The following CDC42BPA variants were observed in gnomAD, a reference collection of about 807,000 sequenced individuals.
CDC42BPA encodes the protein serine/threonine-protein kinase MRCK alpha.
A neutral mutation model predicts 223.5 loss-of-function variants in CDC42BPA; 80 were observed. The ratio of observed to expected loss-of-function variants is 0.36; its 90% CI spans 0.30 to 0.43. CDC42BPA has a LOEUF of 0.43. Among genes scored for constraint, CDC42BPA ranks in the 20% least tolerant of loss-of-function variants. CDC42BPA has a pLI of 1.00. For missense variants in CDC42BPA, 1,743 were observed against 2,099.9 expected, an observed-to-expected ratio of 0.83 and a Z score of 3.32; for synonymous variants, 694 against 718.6, an observed-to-expected ratio of 0.97 and a Z score of 0.55.
chr1:227,265,089 A>G, intron 1 of CDC42BPA: 1 of 774,646 alleles, frequency 1.3e-6, no homozygotes, highest in East Asian at 2.4e-5. Flanking sequence ...TATCCAAGGT[A>G]AAACTAACAG....
At chr1:227,008,686 G>A (rs1205553729) in intron 34 of CDC42BPA, among the ~76,000 whole-genome samples, 1 of 152,182 alleles carries the variant, frequency 6.6e-6, no homozygotes, top group Non-Finnish European at 1.5e-5. Flanking sequence ...AGGAAAACAT[G>A]CATTAATACC....
intron 1 of CDC42BPA, among the ~76,000 whole-genome samples, chr1:227,312,826 T>A (rs7513776): frequency 0.31 from 46,709 of 151,944 alleles, 7,369 homozygotes; most frequent in East Asian, 0.37. Flanking sequence ...TCTCACAAGA[T>A]CTGGTTGTTT....
intron 1 of CDC42BPA, among the ~76,000 whole-genome samples, chr1:227,291,367 G>A (rs1276426511): frequency 2.0e-5 from 3 of 152,064 alleles, no homozygotes; most frequent in South Asian, 2.1e-4. Context: ...TGTCTAACAT[G>A]GTGAAACCCC....
intron 14 of CDC42BPA, among the ~76,000 whole-genome samples, chr1:227,104,938 C>A (rs1205383486): frequency 6.6e-6 from 1 of 152,070 alleles, no homozygotes; most frequent in Admixed American, 6.6e-5. Flanking sequence ...ACAACAGCAT[C>A]CCCAACAAAC....
intron 5 of CDC42BPA, among the ~76,000 whole-genome samples, chr1:227,162,910 ATATG>A (rs1434280356): frequency 2.7e-5 from 4 of 145,734 alleles, no homozygotes; most frequent in African/African-American, 7.7e-5. Context: ...ATGTGTGTGT[ATATG>A]TGTGTGTTTC....
intron 2 of CDC42BPA, among the ~76,000 whole-genome samples, chr1:227,221,602 CTTTT>C (rs71281006): frequency 2.0e-5 from 2 of 102,142 alleles, no homozygotes; most frequent in African/African-American, 3.8e-5. Flanking sequence ...AAATAATAGG[CTTTT>C]TTTTTTTTTT....
At chr1:227,029,489 G>A (rs1309513540) in intron 29 of CDC42BPA, among the ~76,000 whole-genome samples, 1 of 152,162 alleles carries the variant, frequency 6.6e-6, no homozygotes, top group Non-Finnish European at 1.5e-5. Context: ...GGATTCTTGT[G>A]TAAAAGTATG....
At position 226,994,702 on chromosome 1, in the gene CDC42BPA, A is replaced by G; in HGVS notation, c.5133+121T>C. The G allele has an allele frequency of 9.4e-7, 1 of 1,060,026 alleles. No homozygotes were observed. Among genetic ancestry groups the G allele is most frequent in the Non-Finnish European group, 1.4e-6 (1 of 735,156 alleles). The allele number at this position is 1,060,026 out of a possible 1,614,324, so 65.7% of individuals were successfully genotyped here. On this transcript the variant is annotated intron_variant, in intron 36 of 36. Transcript: ENST00000366766. This position sits in a 1 kb window ranked among gnomAD's most constrained non-coding sequence, Gnocchi z 4.0. ...CCTAGCTGCCCGCTGGCCAAGAGTGAATGCTGGCCCCTGACCCCGAACCCT... is the reference window on the plus strand; with the variant it reads ...CCTAGCTGCCCGCTGGCCAAGAGTGGATGCTGGCCCCTGACCCCGAACCCT...
intron 1 of CDC42BPA, among the ~76,000 whole-genome samples, chr1:227,310,898 A>G (rs551233089): frequency 3.7e-4 from 56 of 151,414 alleles, no homozygotes; most frequent in Admixed American, 1.6e-3. Flanking sequence ...TCACCATGTT[A>G]GCCAGGATGG....
At chr1:227,289,384 A>G (rs1250687874) in intron 1 of CDC42BPA, among the ~76,000 whole-genome samples, 1 of 152,184 alleles carries the variant, frequency 6.6e-6, no homozygotes, top group Non-Finnish European at 1.5e-5. Flanking sequence ...GCTCTTACCC[A>G]AGATAGTCAC....
At position 227,196,109 on chromosome 1, in the gene CDC42BPA, A is replaced by T. The variant is rs1408794403; in HGVS notation, c.451-2175T>A. 2.6e-5 allele frequency among the ~76,000 whole-genome samples: 4 copies of T among 151,542 alleles called. No individual in the cohort carries two copies. In the East Asian group the frequency reaches 7.7e-4, roughly 29 times the overall value. ...GCTTTGGGGATTTTTTTTTTAAAAG[A>T]GCTCCAGTCCAATGAAACAATGCTA... On this transcript the variant is annotated intron_variant, in intron 4 of 36. Transcript: ENST00000366766.
chr1:227,189,091 C>T (rs988044959), intron 5 of CDC42BPA, among the ~76,000 whole-genome samples: 5 of 152,122 alleles, frequency 3.3e-5, no homozygotes, highest in African/African-American at 1.2e-4. Context: ...AGCTTTCATT[C>T]CTATCCCTGT....
chr1:227,034,131 A>C (rs200719032), intron 26 of CDC42BPA, among the ~76,000 whole-genome samples: 2 of 152,306 alleles, frequency 1.3e-5, no homozygotes, highest in South Asian at 2.1e-4. Context: ...AATGCAGAGG[A>C]GATGGCTGAA....
At chr1:227,298,541 C>T (rs1156416720) in intron 1 of CDC42BPA, among the ~76,000 whole-genome samples, 2 of 152,148 alleles carry the variant, frequency 1.3e-5, no homozygotes, top group Non-Finnish European at 2.9e-5. Flanking sequence ...TTGCCCTACG[C>T]ATCACTTCCA....
chr1:227,290,523 G>C (rs201612399), intron 1 of CDC42BPA, among the ~76,000 whole-genome samples: 1 of 108,338 alleles, frequency 9.2e-6, no homozygotes, highest in Non-Finnish European at 2.0e-5. Flanking sequence ...AGATATAATA[G>C]AATTTATTTG....
At chr1:227,220,591 C>T (rs1675726730) in intron 2 of CDC42BPA, among the ~76,000 whole-genome samples, 1 of 152,018 alleles carries the variant, frequency 6.6e-6, no homozygotes, top group African/African-American at 2.4e-5. Flanking sequence ...ATCTACTCTT[C>T]ACCAGCAATT....
chr1:227,188,547 A>C (rs1669210543), intron 5 of CDC42BPA, among the ~76,000 whole-genome samples: 1 of 152,216 alleles, frequency 6.6e-6, no homozygotes. Flanking sequence ...CTCACTAAAA[A>C]GAAATGAGCT....
intron 30 of CDC42BPA, among the ~76,000 whole-genome samples, chr1:227,027,684 C>T (rs951544692): frequency 9.2e-5 from 14 of 152,316 alleles, no homozygotes; most frequent in South Asian, 4.1e-4. Flanking sequence ...TGCTTTATCA[C>T]GAATCTTTTC....
chr1:227,080,033 C>G (rs1228203058), intron 17 of CDC42BPA, among the ~76,000 whole-genome samples: 1 of 152,020 alleles, frequency 6.6e-6, no homozygotes, highest in South Asian at 2.1e-4. Flanking sequence ...AACATTTTGA[C>G]TGTGACCCAT....
Sources: gnomAD v4.1 joint callset for allele counts (sites outside exome capture counted in the v4.1 genomes callset) on GRCh38, gnomAD v4.1.1 for gene constraint, Gnocchi (gnomAD v3.1) non-coding constraint, MANE v1.5 for transcripts, NCBI Gene and HGNC (gene_info 2026-07-23, HGNC 2026-07-21) for gene names.